Variants in FBXO31 observed in about 807,000 individuals in gnomAD.
FBXO31 encodes the protein F-box protein 31.
FBXO31 carries 24 observed loss-of-function variants against 54.4 expected under a neutral mutation model. The observed-to-expected ratio is 0.44, with a 90% CI of 0.32 to 0.62. The LOEUF (loss-of-function observed/expected upper bound fraction) is 0.62, where lower values mean the gene tolerates loss of function less well. Among genes scored for constraint, FBXO31 ranks in the 20% least tolerant of loss-of-function variants. The pLI is 0.05. For missense variants in FBXO31, 665 were observed against 787.1 expected, an observed-to-expected ratio of 0.84 and a Z score of 1.86; for synonymous variants, 388 against 335.6, an observed-to-expected ratio of 1.16 and a Z score of -1.71.
rs1170585334 is a variant in FBXO31 at position 87,383,746 on chromosome 16, C to G, written c.-2G>C. ...GCAAAGGCGAGCACACACCGCCATGCCGCCCAGTGACGGCCACTGCTGCCG... is the reference window on the plus strand; with the variant it reads ...GCAAAGGCGAGCACACACCGCCATGGCGCCCAGTGACGGCCACTGCTGCCG... On this transcript the variant is annotated 5_prime_UTR_variant, in exon 1 of 9. Transcript: ENST00000311635. The surrounding 1 kb of genome is among the most constrained non-coding windows in gnomAD (Gnocchi z 4.9). 2 of 1,210,232 alleles carry G rather than the reference C, an allele frequency of 1.7e-6. No individual in the cohort carries two copies. The highest frequency in any genetic ancestry group is 2.0e-6 in the Non-Finnish European group (2 of 976,822). 75.0% of individuals were successfully genotyped at this position (1,210,232 alleles called of 1,614,324 possible).
chr16:87,383,835 C>T, upstream of FBXO31: 1 of 929,554 alleles, frequency 1.1e-6, no homozygotes, highest in Admixed American at 5.0e-5. The surrounding 1 kb of genome is among the most constrained non-coding windows in gnomAD (Gnocchi z 4.9). Context: ...CGCCGCAGAG[C>T]TCGCCACGCC....
chr16:87,384,827 T>C (rs934169928), upstream of FBXO31, among the ~76,000 whole-genome samples: 39 of 152,094 alleles, frequency 2.6e-4, no homozygotes, highest in African/African-American at 8.2e-4. Flanking sequence ...GCCACTGCAC[T>C]TCAGCCTGGG....
In FBXO31 at chr16:87,349,411, C is replaced by A. The variant is rs536258986; in HGVS notation, c.413-2161G>T. Among the ~76,000 whole-genome samples, 17 of 152,294 alleles carry A rather than the reference C, an allele frequency of 1.1e-4. No homozygotes were observed. In the East Asian group the frequency reaches 2.3e-3, roughly 21 times the overall value. On this transcript the variant is annotated intron_variant, in intron 2 of 8. Coordinates refer to ENST00000311635, the MANE Select transcript of FBXO31 (RefSeq NM_024735.5). ...GGGCAGAGAACAAAATGTCATGGGC[C>A]TGCAGATTAAAATTTCAGCTGCAGG... is the stretch of plus-strand genomic sequence containing the variant.
chr16:87,373,261 C>G (rs1906678461), intron 1 of FBXO31, among the ~76,000 whole-genome samples: 1 of 151,794 alleles, frequency 6.6e-6, no homozygotes, highest in Admixed American at 6.6e-5. Context: ...ACCATCTTGG[C>G]TAACACAGTG....
intron 2 of FBXO31, among the ~76,000 whole-genome samples, chr16:87,353,999 A>G (rs543162524): frequency 5.3e-5 from 8 of 152,256 alleles, no homozygotes; most frequent in Non-Finnish European, 1.2e-4. Flanking sequence ...TCCCACAGCT[A>G]CATAATGGGA....
At chr16:87,355,800 C>T (rs905640823) in intron 2 of FBXO31, among the ~76,000 whole-genome samples, 1 of 152,194 alleles carries the variant, frequency 6.6e-6, no homozygotes, top group Admixed American at 6.5e-5. Flanking sequence ...AAGCTTCCCT[C>T]CACCTGCCTC....
rs115095950 is a variant in FBXO31 at position 87,342,223 on chromosome 16, A to G, written c.732+654T>C. Reference sequence around the variant, plus strand: ...TGGCATGCCACCATACCCAGCTAATATTTTTGGTTTTTGTAGAGACAGGGT... The same window carrying G: ...TGGCATGCCACCATACCCAGCTAATGTTTTTGGTTTTTGTAGAGACAGGGT... On this transcript the variant is annotated intron_variant, in intron 5 of 8. Coordinates refer to ENST00000311635, the MANE Select transcript of FBXO31 (RefSeq NM_024735.5). Among the ~76,000 whole-genome samples the G allele has an allele frequency of 2.5e-3, 378 of 151,860 alleles. 1 individual carries two copies. Among genetic ancestry groups the G allele is most frequent in the African/African-American group, 8.9e-3 (370 of 41,414 alleles).
intron 2 of FBXO31, among the ~76,000 whole-genome samples, chr16:87,357,146 G>A (rs1026304474): frequency 1.1e-4 from 16 of 152,060 alleles, no homozygotes; most frequent in Admixed American, 7.2e-4. Flanking sequence ...TAGGGAGGCT[G>A]AGGCAGGAGG....
intron 5 of FBXO31, among the ~76,000 whole-genome samples, chr16:87,342,378 A>T (rs534284220): frequency 2.2e-4 from 33 of 152,314 alleles, no homozygotes; most frequent in Non-Finnish European, 4.3e-4. Context: ...TTGAGAGGGC[A>T]GTAAGACTTA....
chr16:87,391,700 TG>T (rs1450054916), upstream of FBXO31: 1 of 152,322 alleles, frequency 6.6e-6, no homozygotes, highest in Non-Finnish European at 1.5e-5. Context: ...GCGCCAAGGC[TG>T]GGCGTCGAGT....
At chr16:87,375,234 G>C (rs1183547045) in intron 1 of FBXO31, among the ~76,000 whole-genome samples, 5 of 152,324 alleles carry the variant, frequency 3.3e-5, no homozygotes, top group African/African-American at 9.6e-5. Context: ...GTGAACCCGG[G>C]AGGCAGAGCT....
chr16:87,370,106 T>C (rs2150692114), intron 1 of FBXO31, among the ~76,000 whole-genome samples: 1 of 152,248 alleles, frequency 6.6e-6, no homozygotes, highest in South Asian at 2.1e-4. Flanking sequence ...ATCTAGTCCA[T>C]CTCTCTGGTG....
At chr16:87,361,199 T>C (rs184015161) in intron 1 of FBXO31, among the ~76,000 whole-genome samples, 1 of 152,372 alleles carries the variant, frequency 6.6e-6, no homozygotes, top group Admixed American at 6.5e-5. Flanking sequence ...CAAGCCATGC[T>C]GGGCATCACC....
chr16:87,389,043 T>G (rs1419965506), intron 1 of FBXO31, among the ~76,000 whole-genome samples: 2 of 152,198 alleles, frequency 1.3e-5, no homozygotes, highest in Non-Finnish European at 2.9e-5. Context: ...TGCAGTCTTT[T>G]GGGTCACATG....
intron 5 of FBXO31, among the ~76,000 whole-genome samples, chr16:87,341,263 G>C (rs1905184722): frequency 6.6e-6 from 1 of 152,168 alleles, no homozygotes. Flanking sequence ...TAATCCCAAA[G>C]TATATAGTAC....
Position 87,330,908 on chromosome 16 carries a change from C to A in FBXO31, c.*380G>T. 3.9e-6 allele frequency: 1 copy of A among 256,924 alleles called. No homozygotes were observed. The highest frequency in any genetic ancestry group is 4.6e-5 in the South Asian group (1 of 21,510). 15.9% of individuals were successfully genotyped at this position (256,924 alleles called of 1,614,324 possible). On this transcript the variant is annotated 3_prime_UTR_variant, in exon 9 of 9. Coordinates refer to ENST00000311635, the MANE Select transcript of FBXO31 (RefSeq NM_024735.5). ...GTCTCACACACGACCCAGTCTATCA[C>A]TCTATCCGCTCACAGGAAGAGCACC...
intron 2 of FBXO31, among the ~76,000 whole-genome samples, chr16:87,353,548 G>A (rs1254039315): frequency 2.6e-5 from 4 of 152,372 alleles, no homozygotes; most frequent in East Asian, 1.9e-4. Flanking sequence ...AGGGGGCCAC[G>A]TGGGGACAGA....
chr16:87,387,071 G>A (rs2150704027), upstream of FBXO31, among the ~76,000 whole-genome samples: 1 of 152,150 alleles, frequency 6.6e-6, no homozygotes, highest in African/African-American at 2.4e-5. Context: ...GGCTGAGCAG[G>A]GAAGATTGCT....
rs749785624 is a variant in FBXO31 at position 87,335,473 on chromosome 16, G to A, written c.843-16C>T. 1.2e-5 allele frequency: 20 copies of A among 1,609,254 alleles called. No individual in the cohort carries two copies. Among genetic ancestry groups the A allele is most frequent in the Admixed American group, 3.3e-5 (2 of 59,782 alleles). ...CAGGCAGTTGCTGTGGGGAGCGGAC[G>A]GGTCAGTACAGGAGACCTCGTGGGG... is the stretch of plus-strand genomic sequence containing the variant. On this transcript the variant is annotated splice_polypyrimidine_tract_variant and intron_variant, in intron 6 of 8. Coordinates refer to ENST00000311635, the MANE Select transcript of FBXO31 (RefSeq NM_024735.5). This position sits in a 1 kb window ranked among gnomAD's most constrained non-coding sequence, Gnocchi z 5.7.
Sources: gnomAD v4.1 joint callset for allele counts (sites outside exome capture counted in the v4.1 genomes callset) on GRCh38, gnomAD v4.1.1 for gene constraint, Gnocchi (gnomAD v3.1) non-coding constraint, MANE v1.5 for transcripts, NCBI Gene and HGNC (gene_info 2026-07-23, HGNC 2026-07-21) for gene names.